Variants in TCF4 observed in about 807,000 individuals in gnomAD.
TCF4 encodes the protein SL3-3 enhancer factor 2.
Under a neutral mutation model 82.1 loss-of-function variants are expected in TCF4, and 3 were observed. The ratio of observed to expected loss-of-function variants is 0.04; its 90% confidence interval spans 0.02 to 0.09. The LOEUF (loss-of-function observed/expected upper bound fraction) is 0.09, where lower values mean the gene tolerates loss of function less well. Ranked by LOEUF, TCF4 falls within the 10% of genes least tolerant of loss-of-function variation. TCF4 has a pLI of 1.00. For missense variants in TCF4, 518 were observed against 852.7 expected (o/e 0.61, Z 4.89); for synonymous variants, 276 against 309.6 (o/e 0.89, Z 1.14).
chr18:55,344,557 T>A (rs1278931908), intron 8 of TCF4, among the ~76,000 whole-genome samples: 1 of 152,200 alleles, frequency 6.6e-6, no homozygotes, highest in Non-Finnish European at 1.5e-5. Context: ...CAGAAATGTA[T>A]TTCTCTTTTC....
At chr18:55,420,674 C>G (rs766687672) in intron 5 of TCF4, among the ~76,000 whole-genome samples, 8 of 152,086 alleles carry the variant, frequency 5.3e-5, no homozygotes, top group Non-Finnish European at 1.2e-4. Context: ...GCCAGTGGAA[C>G]GTTCAGCGTT....
At chr18:55,372,494 C>T (rs1303189464) in intron 6 of TCF4, among the ~76,000 whole-genome samples, 1 of 151,780 alleles carries the variant, frequency 6.6e-6, no homozygotes, top group African/African-American at 2.4e-5. Flanking sequence ...AAAGGGGATA[C>T]AAGACTTTAA....
intron 3 of TCF4, among the ~76,000 whole-genome samples, chr18:55,524,136 G>A (rs140510149): frequency 2.0e-5 from 3 of 152,006 alleles, no homozygotes; most frequent in East Asian, 3.9e-4. Context: ...TCCTGATATC[G>A]GATTGAGTAT....
chr18:55,566,892 T>C (rs2097413528), intron 3 of TCF4, among the ~76,000 whole-genome samples: 1 of 152,170 alleles, frequency 6.6e-6, no homozygotes, highest in Non-Finnish European at 1.5e-5. Flanking sequence ...AAGAACAATG[T>C]AGACCAAATA....
upstream of TCF4, chr18:55,588,321 G>T: frequency 2.0e-6 from 3 of 1,475,210 alleles, no homozygotes. Context: ...AAAGAAATGG[G>T]TGGGGGGGCT....
chr18:55,616,845 T>C (rs908970219), intron 2 of TCF4, among the ~76,000 whole-genome samples: 6 of 152,138 alleles, frequency 3.9e-5, no homozygotes, highest in African/African-American at 1.4e-4. Flanking sequence ...ATTAACCTTC[T>C]ATCAGATATA....
At chr18:55,545,315 A>G (rs2147033208) in intron 3 of TCF4, among the ~76,000 whole-genome samples, 1 of 152,266 alleles carries the variant, frequency 6.6e-6, no homozygotes, top group South Asian at 2.1e-4. Flanking sequence ...TTTTTTGATC[A>G]TTTACGACAG....
At chr18:55,335,910 T>C (rs1426055299) in intron 8 of TCF4, among the ~76,000 whole-genome samples, 1 of 152,084 alleles carries the variant, frequency 6.6e-6, no homozygotes, top group Admixed American at 6.6e-5. Flanking sequence ...ACCATCATTT[T>C]TGATAGAATT....
intron 5 of TCF4, among the ~76,000 whole-genome samples, chr18:55,443,841 G>T (rs1603468109): frequency 6.6e-6 from 1 of 152,144 alleles, no homozygotes; most frequent in South Asian, 2.1e-4. Context: ...TAGTAACAGG[G>T]AAAAATTACT....
chr18:55,632,549 T>C (rs2097732631), intron 1 of TCF4, among the ~76,000 whole-genome samples: 1 of 152,300 alleles, frequency 6.6e-6, no homozygotes, highest in South Asian at 2.1e-4. Flanking sequence ...AGGTTTAGGC[T>C]CAAGGTTATT....
At chr18:55,622,475 A>G (rs1408544945) in intron 2 of TCF4, among the ~76,000 whole-genome samples, 2 of 150,526 alleles carry the variant, frequency 1.3e-5, no homozygotes, top group Non-Finnish European at 3.0e-5. Context: ...ACTGCACTTC[A>G]GCCTGGCAAC....
At chr18:55,426,494 G>A (rs1454430138) in intron 5 of TCF4, among the ~76,000 whole-genome samples, 4 of 152,144 alleles carry the variant, frequency 2.6e-5, no homozygotes, top group Non-Finnish European at 5.9e-5. Context: ...TTCTACATTT[G>A]TATTTCCATC....
At chr18:55,387,027 A>G (rs1178207424) in intron 6 of TCF4, among the ~76,000 whole-genome samples, 1 of 152,208 alleles carries the variant, frequency 6.6e-6, no homozygotes, top group Non-Finnish European at 1.5e-5. Context: ...ATTTCTAGAG[A>G]GGAGGAAGTT....
chr18:55,381,620 A>G (rs1176140308), intron 6 of TCF4, among the ~76,000 whole-genome samples: 3 of 152,248 alleles, frequency 2.0e-5, no homozygotes, highest in African/African-American at 7.2e-5. Context: ...AGACAAGTGT[A>G]GCATTCAGAA....
chr18:55,366,167 GC>G (rs1445722658), intron 6 of TCF4, among the ~76,000 whole-genome samples: 3 of 151,948 alleles, frequency 2.0e-5, no homozygotes, highest in Non-Finnish European at 2.9e-5. Context: ...TTGTTATTTG[GC>G]TTTTGTTTTT....
At chr18:55,273,658 C>T (rs979608468) in intron 10 of TCF4, among the ~76,000 whole-genome samples, 1 of 152,060 alleles carries the variant, frequency 6.6e-6, no homozygotes, top group South Asian at 2.1e-4. Context: ...AACAAAAACT[C>T]TACTCTCTGA....
At chr18:55,261,590 C>T (rs1212046973) in intron 11 of TCF4, 57 bp from the exon 12 acceptor site, 1 of 1,583,258 alleles carries the variant, frequency 6.3e-7, no homozygotes, top group Non-Finnish European at 8.7e-7. Context: ...TAACAATTTT[C>T]TATTCCTGGT....
chr18:55,596,455 A>T (rs1180645858), intron 2 of TCF4, among the ~76,000 whole-genome samples: 1 of 152,232 alleles, frequency 6.6e-6, no homozygotes, highest in Non-Finnish European at 1.5e-5. Context: ...TAAATATAAA[A>T]TACTGGCAAA....
intron 3 of TCF4, among the ~76,000 whole-genome samples, chr18:55,539,537 C>A (rs1374558461): frequency 6.6e-6 from 1 of 152,026 alleles, no homozygotes; most frequent in East Asian, 1.9e-4. Flanking sequence ...GTCCCATAAC[C>A]CAGAGCACAA....
Sources: gnomAD v4.1 joint callset for allele counts (sites outside exome capture counted in the v4.1 genomes callset) on GRCh38, gnomAD v4.1.1 for gene constraint, MANE v1.5 for transcripts, NCBI Gene and HGNC (gene_info 2026-07-23, HGNC 2026-07-21) for gene names.